CNBD1: variants seen among roughly 807,000 people sequenced by gnomAD.
The protein encoded by CNBD1 is cyclic nucleotide binding domain containing 1, also known as cyclic nucleotide-binding domain-containing protein 1.
In CNBD1, 71 loss-of-function variants were observed where a neutral mutation model predicts 54.4. The ratio of observed to expected loss-of-function variants is 1.30; its 90% CI spans 1.08 to 1.59. CNBD1 has a LOEUF of 1.59. CNBD1 is among the 40% of genes most tolerant of loss of function. The pLI is 0.00. For missense variants in CNBD1, 659 were observed against 518.0 expected, an observed-to-expected ratio of 1.27 and a Z score of -2.64; for synonymous variants, 182 against 170.7, an observed-to-expected ratio of 1.07 and a Z score of -0.51.
intron 10 of CNBD1, among the ~76,000 whole-genome samples, chr8:87,360,625 C>T (rs1810506561): frequency 6.6e-6 from 1 of 151,696 alleles, no homozygotes; most frequent in African/African-American, 2.4e-5. Flanking sequence ...CTCATTCCAC[C>T]ATTAGAACAA....
At chr8:87,366,673 C>T (rs116369386) in intron 10 of CNBD1, among the ~76,000 whole-genome samples, 1,765 of 152,056 alleles carry the variant, frequency 0.012, 37 homozygotes, top group African/African-American at 0.038. Context: ...CACTTTAGAA[C>T]TCTGCTACCA....
chr8:87,351,142 G>A (rs1211196942), intron 8 of CNBD1, among the ~76,000 whole-genome samples: 2 of 152,132 alleles, frequency 1.3e-5, no homozygotes, highest in Non-Finnish European at 2.9e-5. Flanking sequence ...GAGGGGTTAT[G>A]TCATTTATCT....
chr8:86,891,699 A>T (rs36039246), intron 2 of CNBD1, among the ~76,000 whole-genome samples: 17,068 of 151,964 alleles, frequency 0.11, 1,207 homozygotes, highest in African/African-American at 0.21. Flanking sequence ...TAACAATATT[A>T]ATTCTTCTAA....
intron 2 of CNBD1, among the ~76,000 whole-genome samples, chr8:87,401,515 G>A (rs1438152856): frequency 6.6e-6 from 1 of 151,998 alleles, no homozygotes; most frequent in African/African-American, 2.4e-5. Flanking sequence ...TGTGTTCTGT[G>A]CTAATGAACA....
chr8:87,211,388 T>C (rs533819538), intron 5 of CNBD1, among the ~76,000 whole-genome samples: 28 of 152,266 alleles, frequency 1.8e-4, no homozygotes, highest in South Asian at 1.2e-3. Context: ...GATAATTTTA[T>C]TTTGGAATGT....
intron 6 of CNBD1, among the ~76,000 whole-genome samples, chr8:87,239,894 A>G (rs1434907717): frequency 6.6e-6 from 1 of 151,774 alleles, no homozygotes; most frequent in Non-Finnish European, 1.5e-5. Context: ...AAGGAAAGAG[A>G]TAAAAAATTA....
rs377316459 is a variant in CNBD1, at chr8:87,353,681, G to A, written c.1198G>A (p.Glu400Lys). The part of the protein sequence containing the change: ...LVYMGKLKEK[E>K]SFGEISVLLQ... The stretch of plus-strand genomic sequence containing the variant: ...TTATATGGGGAAACTTAAGGAGAAG[G>A]AGTCCTTTGGTGAGATTAGCGTCCT... The change falls in exon 10 of 11, where the codon GAG becomes AAG. Residue 400 changes from glutamate to lysine, a missense_variant. Glu to Lys is a moderately conservative substitution (Grantham distance 56). Transcript: ENST00000518476. 1.9e-6 allele frequency: 3 copies of A among 1,604,052 alleles called. No individual in the cohort carries two copies. The highest frequency in any genetic ancestry group is 2.2e-5 in the East Asian group (1 of 44,666).
chr8:87,007,436 T>A (rs564686634), intron 4 of CNBD1, among the ~76,000 whole-genome samples: 1 of 152,286 alleles, frequency 6.6e-6, no homozygotes, highest in South Asian at 2.1e-4. Context: ...GGTTTATATT[T>A]TATCTTTCAG....
At chr8:87,204,722 T>C (rs1216749133) in intron 4 of CNBD1, among the ~76,000 whole-genome samples, 1 of 151,980 alleles carries the variant, frequency 6.6e-6, no homozygotes, top group Non-Finnish European at 1.5e-5. Context: ...ACCACTAAAA[T>C]AAACAAAAAA....
At chr8:87,422,988 A>C (rs1247086176) in intron 2 of CNBD1, among the ~76,000 whole-genome samples, 1 of 151,924 alleles carries the variant, frequency 6.6e-6, no homozygotes, top group South Asian at 2.1e-4. Context: ...GAGGTCCTTC[A>C]CATCCCTTGT....
At position 87,359,819 on chromosome 8, in the gene CNBD1, C is replaced by T. The variant is rs114166619; in HGVS notation, c.1303+6033C>T. Among the ~76,000 whole-genome samples the T allele has an allele frequency of 9.7e-3, 1,470 of 151,940 alleles. 19 individuals are homozygous for T. Among genetic ancestry groups the T allele is most frequent in the African/African-American group, 0.033 (1,351 of 41,486 alleles). On this transcript the variant is annotated intron_variant, in intron 10 of 10. Coordinates refer to ENST00000518476, the MANE Select transcript of CNBD1 (RefSeq NM_173538.3). ...TCTTGCTATCAAGTGTTATTATTAG[C>T]TGTTATATTACATAGGTGTTAGGAA...
intron 4 of CNBD1, among the ~76,000 whole-genome samples, chr8:86,944,217 A>T (rs1807409800): frequency 6.6e-6 from 1 of 152,242 alleles, no homozygotes; most frequent in African/African-American, 2.4e-5. Context: ...TAGTTTCTAA[A>T]TAATTTTGAC....
intron 2 of CNBD1, among the ~76,000 whole-genome samples, chr8:87,403,875 G>T (rs1192827220): frequency 2.0e-5 from 3 of 151,910 alleles, no homozygotes; most frequent in East Asian, 1.9e-4. Flanking sequence ...TATGATCAGG[G>T]TACCAGACCC....
chr8:87,285,619 C>G (rs1808681488), intron 7 of CNBD1, among the ~76,000 whole-genome samples: 1 of 152,054 alleles, frequency 6.6e-6, no homozygotes, highest in South Asian at 2.1e-4. Flanking sequence ...CCCTGTAATC[C>G]CAGCACTTTA....
intron 6 of CNBD1, among the ~76,000 whole-genome samples, chr8:87,252,666 T>A (rs1349170927): frequency 6.6e-6 from 1 of 152,178 alleles, no homozygotes. Flanking sequence ...AAAGTTCTGA[T>A]AGATGTCATG....
rs1014654903 is a variant in CNBD1, at chr8:87,397,824, G to A, written c.214-30722G>A. Among the ~76,000 whole-genome samples the A allele has an allele frequency of 2.0e-5, 3 of 151,936 alleles. No individual in the cohort carries two copies. In the South Asian group the frequency reaches 6.2e-4, roughly 32 times the overall value. ...TGGTGGTTGATGACTGAATCATGGG[G>A]GCAGGTCTTTCCCATGTTGTTCTCA... is the stretch of plus-strand genomic sequence containing the variant. On this transcript the variant is annotated intron_variant, in intron 2 of 7. Transcript: ENST00000521593.
At chr8:87,388,042 G>A (rs1396262591) in intron 2 of CNBD1, among the ~76,000 whole-genome samples, 2 of 152,160 alleles carry the variant, frequency 1.3e-5, no homozygotes, top group Non-Finnish European at 1.5e-5. Flanking sequence ...AAATAAAGAT[G>A]TTCTTTGAAA....
rs571212742 is a variant in CNBD1 at position 87,176,595 on chromosome 8, C to T, written c.432-29398C>T. On this transcript the variant is annotated intron_variant, in intron 4 of 10. Transcript: ENST00000518476. ...TGCCTCCCGGGTTCAAGCAATTCTG[C>T]TGCCCCAGCCTCCCGATTAGCTGGG... 4.0e-5 allele frequency among the ~76,000 whole-genome samples: 6 copies of T among 151,056 alleles called. No homozygotes were observed. In the East Asian group the frequency reaches 9.8e-4, roughly 25 times the overall value.
chr8:87,204,690 G>T (rs996669152), intron 4 of CNBD1, among the ~76,000 whole-genome samples: 2 of 152,076 alleles, frequency 1.3e-5, no homozygotes, highest in East Asian at 3.9e-4. Context: ...ACAAATGATT[G>T]CAGGCAACTA....
Sources: gnomAD v4.1 joint callset for allele counts (sites outside exome capture counted in the v4.1 genomes callset) on GRCh38, gnomAD v4.1.1 for gene constraint, MANE v1.5 for transcripts, NCBI Gene and HGNC (gene_info 2026-07-23, HGNC 2026-07-21) for gene names.